PLOD2: variants seen among roughly 807,000 people sequenced by gnomAD.
PLOD2 encodes the protein lysine hydroxylase 2.
Under a neutral mutation model 101.0 loss-of-function variants are expected in PLOD2, and 65 were observed. That is an observed-to-expected ratio of 0.64 (90% CI 0.53 to 0.79). PLOD2 has a LOEUF of 0.79. PLOD2 is among the 30% of genes least tolerant of loss of function. The probability of loss-of-function intolerance (pLI) is 0.00; values close to 1 mark genes in which losing one functional copy is unlikely to be tolerated. For synonymous variants in PLOD2, 314 were observed against 302.9 expected (o/e 1.04, Z -0.38); for missense variants, 909 against 914.6 (o/e 0.99, Z 0.08).
chr3:146,076,678 T>A (rs1490681156), intron 15 of PLOD2, 104 bp downstream of exon 15: 6 of 668,884 alleles, frequency 9.0e-6, no homozygotes, highest in Admixed American at 4.9e-5. Context: ...TTTCACCTTA[T>A]GTCATTTTAA....
At chr3:146,075,303 C>T (rs915676563) in intron 15 of PLOD2, among the ~76,000 whole-genome samples, 2 of 151,506 alleles carry the variant, frequency 1.3e-5, no homozygotes, top group African/African-American at 4.8e-5. Context: ...GGACAATTCT[C>T]ATCAGGTGGA....
chr3:146,147,508 G>A (rs772647198), intron 1 of PLOD2, among the ~76,000 whole-genome samples: 1 of 152,154 alleles, frequency 6.6e-6, no homozygotes, highest in Non-Finnish European at 1.5e-5. Flanking sequence ...GACATTTGGG[G>A]CCAGATAATT....
intron 1 of PLOD2, among the ~76,000 whole-genome samples, chr3:146,129,163 ACTTT>A (rs1180484639): frequency 3.0e-4 from 46 of 152,048 alleles, no homozygotes; most frequent in African/African-American, 1.0e-3. Context: ...CTGTTTCTCA[ACTTT>A]CTACTAAAGA....
intron 11 of PLOD2, among the ~76,000 whole-genome samples, chr3:146,083,145 T>G (rs1324951116): frequency 6.6e-6 from 1 of 152,156 alleles, no homozygotes; most frequent in Non-Finnish European, 1.5e-5. Context: ...CCTGAAAAGG[T>G]TTAAACCAAC....
intron 12 of PLOD2, among the ~76,000 whole-genome samples, chr3:146,079,972 CA>C (rs1936476698): frequency 1.3e-5 from 2 of 151,980 alleles, no homozygotes; most frequent in South Asian, 4.1e-4. Context: ...TCACTCTGAA[CA>C]TGACTGATTT....
intron 1 of PLOD2, among the ~76,000 whole-genome samples, chr3:146,135,168 C>G (rs140705647): frequency 1.3e-3 from 204 of 152,290 alleles, no homozygotes; most frequent in African/African-American, 4.7e-3. Flanking sequence ...AATTGAGGAG[C>G]AGCCCATCCT....
intron 17 of PLOD2, 33 bp downstream of exon 17, chr3:146,072,528 C>T: frequency 7.7e-7 from 1 of 1,294,982 alleles, no homozygotes; most frequent in Non-Finnish European, 1.1e-6. Flanking sequence ...CCCCCACATA[C>T]ATTTTAGTTC....
At chr3:146,151,724 C>T (rs1169136018) in intron 1 of PLOD2, among the ~76,000 whole-genome samples, 1 of 152,170 alleles carries the variant, frequency 6.6e-6, no homozygotes, top group Non-Finnish European at 1.5e-5. Flanking sequence ...ATTATTTTCC[C>T]TGTAAGAATC....
chr3:146,119,316 G>A (rs980474863), intron 3 of PLOD2, among the ~76,000 whole-genome samples: 9 of 152,186 alleles, frequency 5.9e-5, no homozygotes, highest in South Asian at 4.2e-4. Flanking sequence ...CATGTTTCCT[G>A]TACAGCCTGT....
At chr3:146,077,693 G>T in intron 14 of PLOD2, 169 bp downstream of exon 14, 1 of 541,464 alleles carries the variant, frequency 1.8e-6, no homozygotes, top group Non-Finnish European at 3.2e-6. Context: ...TATCACACAA[G>T]ACCCATGCCC....
chr3:146,146,198 T>C (rs2031767266), intron 1 of PLOD2, among the ~76,000 whole-genome samples: 1 of 152,160 alleles, frequency 6.6e-6, no homozygotes, highest in African/African-American at 2.4e-5. Context: ...GGGTCCCTAT[T>C]GTCAAAAACA....
At chr3:146,134,094 C>G (rs1159883968) in intron 1 of PLOD2, among the ~76,000 whole-genome samples, 1 of 151,926 alleles carries the variant, frequency 6.6e-6, no homozygotes, top group Non-Finnish European at 1.5e-5. Context: ...CACTATCTCC[C>G]CACCAACTCA....
intron 1 of PLOD2, among the ~76,000 whole-genome samples, chr3:146,131,536 C>G (rs2030910996): frequency 6.6e-6 from 1 of 152,176 alleles, no homozygotes. Flanking sequence ...ATAAAGTAAT[C>G]ATACCCTGCT....
At chr3:146,151,881 A>G (rs560458091) in intron 1 of PLOD2, among the ~76,000 whole-genome samples, 2 of 152,332 alleles carry the variant, frequency 1.3e-5, no homozygotes, top group South Asian at 4.1e-4. Flanking sequence ...TTAAAATATT[A>G]ATTACCAAAA....
Position 146,091,884 on chromosome 3 carries a change from A to G in PLOD2, c.795T>C (p.Phe265=), listed in dbSNP as rs1936984261. The G allele has an allele frequency of 6.3e-7, 1 of 1,586,380 alleles. No individual in the cohort carries two copies. The highest frequency in any genetic ancestry group is 1.3e-5 in the African/African-American group (1 of 74,356). Reference sequence around the variant, plus strand: ...TCCATGAATTGGGTACATAGTTTCCAAAATAATTCAGGAGAATCTTGTAAA... The same window carrying G: ...TCCATGAATTGGGTACATAGTTTCCGAAATAATTCAGGAGAATCTTGTAAA... ...NGPTKILLNY[F]GNYVPNSWTQ... is the part of the protein sequence containing the mutation. Residue 265 remains phenylalanine, a synonymous_variant, in exon 8 of 20, where the codon TTT becomes TTC. Coordinates refer to ENST00000282903, the MANE Select transcript of PLOD2 (RefSeq NM_182943.3).
chr3:146,099,316 G>A (rs1314977853), intron 7 of PLOD2, among the ~76,000 whole-genome samples: 1 of 152,168 alleles, frequency 6.6e-6, no homozygotes. Flanking sequence ...AAATTTGGAA[G>A]GAATTGGTGA....
At chr3:146,103,826 TACACACACACACACACAC>T (rs3059069) in intron 6 of PLOD2, among the ~76,000 whole-genome samples, 147 of 146,604 alleles carry the variant, frequency 1.0e-3, no homozygotes, top group African/African-American at 3.3e-3. Context: ...CACGAGCATG[TACACACACACACACACAC>T]ACACACACAC....
chr3:146,077,243 CT>C, intron 14 of PLOD2: 1 of 795,030 alleles, frequency 1.3e-6, no homozygotes, highest in Non-Finnish European at 1.5e-6. Flanking sequence ...AATTATACCT[CT>C]TTTGGCTTCT....
chr3:146,124,268 A>T (rs1405104165), intron 1 of PLOD2, 39 bp from the exon 2 acceptor site: 1 of 1,106,920 alleles, frequency 9.0e-7, no homozygotes, highest in Non-Finnish European at 1.4e-6. Flanking sequence ...GTTTACCAAG[A>T]TATCAAATGC....
Sources: allele counts gnomAD v4.1 joint callset (sites outside exome capture counted in the v4.1 genomes callset), GRCh38; gene constraint gnomAD v4.1.1; transcripts MANE v1.5; gene names NCBI Gene and HGNC (gene_info 2026-07-23, HGNC 2026-07-21).